The following XXYLT1 variants were observed in gnomAD, a reference collection of about 807,000 sequenced individuals.
XXYLT1 encodes the protein UDP-xylose:alpha-xyloside alpha-1,3-xylosyltransferase.
XXYLT1 carries 20 observed loss-of-function variants against 28.9 expected under a neutral mutation model. That is an observed-to-expected ratio of 0.69 (90% confidence interval 0.49 to 1.00). The LOEUF is 1.00. Among genes scored for constraint, XXYLT1 ranks in the 50% least tolerant of loss-of-function variants. XXYLT1 has a pLI of 0.00. For missense variants in XXYLT1, 542 were observed against 560.1 expected (o/e 0.97, Z 0.33); for synonymous variants, 257 against 253.8 (o/e 1.01, Z -0.12).
intron 2 of XXYLT1, among the ~76,000 whole-genome samples, chr3:195,207,116 G>A (rs1206636016): frequency 2.0e-5 from 3 of 152,196 alleles, no homozygotes; most frequent in Non-Finnish European, 2.9e-5. Flanking sequence ...GAAGAGCCAC[G>A]AGGGCAGGTG....
intron 3 of XXYLT1, among the ~76,000 whole-genome samples, chr3:195,079,218 GGA>G (rs1277411640): frequency 6.6e-5 from 10 of 152,216 alleles, no homozygotes; most frequent in African/African-American, 2.4e-4. Flanking sequence ...CCTTGGAGAA[GGA>G]GAGGGATGGA....
chr3:195,228,279 G>A (rs1471815047), intron 1 of XXYLT1, among the ~76,000 whole-genome samples: 1 of 138,056 alleles, frequency 7.2e-6, no homozygotes, highest in Non-Finnish European at 1.5e-5. Context: ...CACTTGCCCT[G>A]CCAGACAGTG....
chr3:195,257,710 C>T lies in XXYLT1; in HGVS notation c.504+12845G>A, dbSNP rs1029191110. Among the ~76,000 whole-genome samples the T allele has an allele frequency of 2.0e-5, 3 of 152,094 alleles. No homozygotes were observed. Among genetic ancestry groups the T allele is most frequent in the African/African-American group, 4.8e-5 (2 of 41,406 alleles). On this transcript the variant is annotated intron_variant, in intron 1 of 3. Transcript: ENST00000310380. This position sits in a 1 kb window ranked among gnomAD's most constrained non-coding sequence, Gnocchi z 4.3. Reference sequence around the variant, plus strand: ...CTCTCTGCCAACCCAGAGAGCCACACACTCACCCAGCCAGGCCGCCCTACC... The same window carrying T: ...CTCTCTGCCAACCCAGAGAGCCACATACTCACCCAGCCAGGCCGCCCTACC...
chr3:195,179,607 G>A (rs1721849359), intron 2 of XXYLT1, among the ~76,000 whole-genome samples: 1 of 151,994 alleles, frequency 6.6e-6, no homozygotes, highest in Admixed American at 6.5e-5. Context: ...GGAGACATTG[G>A]CCCCAGAATG....
At chr3:195,139,687 C>T (rs1179235202) in intron 3 of XXYLT1, among the ~76,000 whole-genome samples, 2 of 152,164 alleles carry the variant, frequency 1.3e-5, no homozygotes, top group Non-Finnish European at 2.9e-5. Context: ...AAGGCCCCTT[C>T]CCAAAAACAC....
In XXYLT1 at chr3:195,076,347, GCA is replaced by G. The variant is rs1209283666; in HGVS notation, c.786-6238_786-6237del. Among the ~76,000 whole-genome samples the G allele has an allele frequency of 6.6e-6, 1 of 152,154 alleles. No individual in the cohort carries two copies. Among genetic ancestry groups the G allele is most frequent in the Non-Finnish European group, 1.5e-5 (1 of 68,018 alleles). On this transcript the variant is annotated intron_variant, in intron 3 of 3. Transcript: ENST00000310380. The surrounding 1 kb of genome is among the most constrained non-coding windows in gnomAD (Gnocchi z 5.3). ...GCACGGGGTCACGGGGCCGACTGCG[GCA>G]CAGACATTGGAACTCGACCGCGCGT...
At chr3:195,080,191 A>G (rs1342911540) in intron 3 of XXYLT1, among the ~76,000 whole-genome samples, 1 of 152,218 alleles carries the variant, frequency 6.6e-6, no homozygotes, top group Non-Finnish European at 1.5e-5. Flanking sequence ...CCCCAAGCCC[A>G]GGAATCCACA....
At chr3:195,267,639 G>C (rs576240447) in intron 1 of XXYLT1, among the ~76,000 whole-genome samples, 101 of 152,332 alleles carry the variant, frequency 6.6e-4, no homozygotes, top group African/African-American at 2.4e-3. Context: ...AAGGAGTTTA[G>C]AGTCTAGCAA....
chr3:195,206,021 ATTT>A lies in XXYLT1; in HGVS notation c.652+20685_652+20687del, dbSNP rs777561871. ...CAATTATCTTAAAATTTAAAGTTTA[ATTT>A]TTTTTTTTTTTTTTTTTTGAGAGGG... On this transcript the variant is annotated intron_variant, in intron 2 of 3. Transcript: ENST00000310380. 6.8e-3 allele frequency among the ~76,000 whole-genome samples: 857 copies of A among 125,366 alleles called. 6 individuals are homozygous for A. The highest frequency in any genetic ancestry group is 0.025 in the African/African-American group (763 of 30,806). The allele number at this position is 125,366 out of a possible 152,430, so 82.2% of individuals were successfully genotyped here. A position where few individuals can be genotyped will look rare whatever the true frequency, so the allele number is the denominator to read the frequency against.
In XXYLT1 at chr3:195,115,073, C is replaced by T. The variant is rs1717973948; in HGVS notation, c.785+41376G>A. ...TCCCAAACCTCCCGTTGATCCTCCT[C>T]CTATTGAGAGGTTGGAACGAGGGAA... On this transcript the variant is annotated intron_variant, in intron 3 of 3. Coordinates refer to ENST00000310380, the MANE Select transcript of XXYLT1 (RefSeq NM_152531.5). The surrounding 1 kb of genome is among the most constrained non-coding windows in gnomAD (Gnocchi z 4.2). Among the ~76,000 whole-genome samples, 1 of 152,242 alleles carries T rather than the reference C, an allele frequency of 6.6e-6. No homozygotes were observed.
At chr3:195,107,423 A>G (rs1455473022) in intron 3 of XXYLT1, among the ~76,000 whole-genome samples, 2 of 145,170 alleles carry the variant, frequency 1.4e-5, no homozygotes, top group Non-Finnish European at 3.0e-5. Flanking sequence ...GCAGTAAGCC[A>G]AGATCATGCC....
At chr3:195,090,398 GA>G (rs1716065397) in intron 3 of XXYLT1, among the ~76,000 whole-genome samples, 1 of 150,944 alleles carries the variant, frequency 6.6e-6, no homozygotes, top group East Asian at 1.9e-4. Flanking sequence ...CAACTACACG[GA>G]AACTGAACAA....
At chr3:195,265,280 G>A (rs1168321062) in intron 1 of XXYLT1, among the ~76,000 whole-genome samples, 1 of 151,378 alleles carries the variant, frequency 6.6e-6, no homozygotes, top group African/African-American at 2.4e-5. Flanking sequence ...TGAGGCAGGA[G>A]AATCGCTTGA....
intron 3 of XXYLT1, among the ~76,000 whole-genome samples, chr3:195,125,834 C>T (rs1718590149): frequency 6.6e-6 from 1 of 152,120 alleles, no homozygotes; most frequent in African/African-American, 2.4e-5. Flanking sequence ...GAGGACAGTC[C>T]TAGGCAGTCA....
intron 2 of XXYLT1, among the ~76,000 whole-genome samples, chr3:195,215,869 A>C (rs1029507112): frequency 1.3e-4 from 20 of 152,166 alleles, no homozygotes; most frequent in Non-Finnish European, 2.5e-4. Flanking sequence ...CAGAATATAC[A>C]TTTTTTTCAG....
intron 2 of XXYLT1, among the ~76,000 whole-genome samples, chr3:195,170,004 T>TACAGGCAGGCGCCA (rs56999393): frequency 6.7e-6 from 1 of 150,104 alleles, no homozygotes; most frequent in Non-Finnish European, 1.5e-5. Context: ...TAGCTGGGAT[T>TACAGGCAGGCGCCA]TCATGCCCGG....
intron 3 of XXYLT1, among the ~76,000 whole-genome samples, chr3:195,098,854 T>C (rs998575698): frequency 6.6e-6 from 1 of 152,218 alleles, no homozygotes; most frequent in Non-Finnish European, 1.5e-5. Flanking sequence ...CTGGGCCTCC[T>C]GGCCTGCAGC....
intron 1 of XXYLT1, chr3:195,269,976 G>T (rs983013133): frequency 6.0e-6 from 1 of 165,982 alleles, no homozygotes; most frequent in Non-Finnish European, 1.4e-5. Context: ...CTCATTCGGA[G>T]GAACTCCAGG....
At chr3:195,090,832 T>A (rs1716090207) in intron 3 of XXYLT1, among the ~76,000 whole-genome samples, 1 of 150,974 alleles carries the variant, frequency 6.6e-6, no homozygotes, top group Non-Finnish European at 1.5e-5. Flanking sequence ...CAATAAAAAA[T>A]GATAAAGGGG....
Sources: allele counts gnomAD v4.1 joint callset (sites outside exome capture counted in the v4.1 genomes callset), GRCh38; gene constraint gnomAD v4.1.1; non-coding constraint Gnocchi (gnomAD v3.1); transcripts MANE v1.5; gene names NCBI Gene and HGNC (gene_info 2026-07-23, HGNC 2026-07-21).